Variants in WNT9A observed in about 807,000 individuals in gnomAD.
WNT9A encodes Wnt family member 9A, also known as protein Wnt-9a.
Under a neutral mutation model 31.4 loss-of-function variants are expected in WNT9A, and 8 were observed. The ratio of observed to expected loss-of-function variants is 0.26; its 90% CI spans 0.15 to 0.46. WNT9A has a LOEUF of 0.46. Among genes scored for constraint, WNT9A ranks in the 20% least tolerant of loss-of-function variants. The probability of loss-of-function intolerance (pLI) is 0.99; values close to 1 mark genes in which losing one functional copy is unlikely to be tolerated. For missense variants in WNT9A, 457 were observed against 522.9 expected (o/e 0.87, Z 1.23); for synonymous variants, 236 against 220.1 (o/e 1.07, Z -0.64).
In WNT9A at chr1:227,921,193, C is replaced by T. The variant is rs1666305802; in HGVS notation, c.*325G>A. The T allele has an allele frequency of 2.9e-6, 1 of 339,152 alleles. No homozygotes were observed. The highest frequency in any genetic ancestry group is 5.5e-6 in the Non-Finnish European group (1 of 181,350). The allele number at this position is 339,152 out of a possible 1,614,324, so 21.0% of individuals were successfully genotyped here. The stretch of plus-strand genomic sequence containing the variant: ...AGCCCTTGCAGGTGTACACTCCTCA[C>T]ACCGTGTGCAATGCCTGTGCCATGT... On this transcript the variant is annotated 3_prime_UTR_variant, in exon 4 of 4. Transcript: ENST00000272164.
At position 227,919,370 on chromosome 1, in the gene WNT9A, C is replaced by A. The variant is rs1268198918; in HGVS notation, c.*2148G>T. 2 of 152,236 alleles carry A rather than the reference C, an allele frequency of 1.3e-5. No individual in the cohort carries two copies. Among genetic ancestry groups the A allele is most frequent in the East Asian group, 1.9e-4 (1 of 5,192 alleles). The allele number at this position is 152,236 out of a possible 1,614,324, so 9.4% of individuals were successfully genotyped here. A position where few individuals can be genotyped will look rare whatever the true frequency, so the allele number is the denominator to read the frequency against. Reference sequence around the variant, plus strand: ...TGTGGTACGGGGATGCAGCTGCAGGCACATGTCGGGGTGCTCTCTGAACCA... The same window carrying A: ...TGTGGTACGGGGATGCAGCTGCAGGAACATGTCGGGGTGCTCTCTGAACCA... On this transcript the variant is annotated 3_prime_UTR_variant, in exon 4 of 4. Transcript: ENST00000272164.
At position 227,921,630 on chromosome 1, in the gene WNT9A, T is replaced by A. The variant is rs1318810676; in HGVS notation, c.986A>T (p.Asn329Ile). 6.2e-7 allele frequency: 1 copy of A among 1,613,272 alleles called. No homozygotes were observed. Among genetic ancestry groups the A allele is most frequent in the Non-Finnish European group, 8.5e-7 (1 of 1,179,996 alleles). The change falls in exon 4 of 4, where the codon AAC (asparagine) becomes ATC (isoleucine). Residue 329 changes from asparagine to isoleucine, a missense_variant. Coordinates refer to ENST00000272164, the MANE Select transcript of WNT9A (RefSeq NM_003395.4). ...CCTTGTCACCACCCGGCTCTGTGTG[T>A]TATGGCCGCGGCCACAGCAGATGCT... The part of the protein sequence containing the change: ...CESICCGRGH[N>I]TQSRVVTRPC...
intron 1 of WNT9A, among the ~76,000 whole-genome samples, chr1:227,929,670 T>C (rs1234309351): frequency 6.6e-6 from 1 of 152,228 alleles, no homozygotes; most frequent in Admixed American, 6.5e-5. Flanking sequence ...CTGGTCTCTA[T>C]AAAATATTTA....
intron 1 of WNT9A, among the ~76,000 whole-genome samples, chr1:227,946,997 G>C (rs1244988726): frequency 2.6e-5 from 4 of 152,240 alleles, no homozygotes; most frequent in African/African-American, 4.8e-5. Flanking sequence ...GCGCCACCCT[G>C]CACCTCAGCG....
intron 3 of WNT9A, among the ~76,000 whole-genome samples, chr1:227,923,138 G>A (rs1176641800): frequency 6.6e-6 from 1 of 152,074 alleles, no homozygotes; most frequent in East Asian, 1.9e-4. Flanking sequence ...GCGGAAGGAG[G>A]CACAAGAGAC....
Position 227,925,609 on chromosome 1 carries a change from G to A in WNT9A, c.96-90C>T. The A allele has an allele frequency of 7.0e-7, 1 of 1,426,722 alleles. No homozygotes were observed. Among genetic ancestry groups the A allele is most frequent in the Non-Finnish European group, 9.1e-7 (1 of 1,093,632 alleles). 88.4% of individuals were successfully genotyped at this position (1,426,722 alleles called of 1,614,324 possible). A position where few individuals can be genotyped will look rare whatever the true frequency, so the allele number is the denominator to read the frequency against. ...CTCGGTGGCCAGGGTACAGGGGACA[G>A]GCGTGTCCATCCGGGGGTGAGGGGG... On this transcript the variant is annotated intron_variant, in intron 1 of 3. Transcript: ENST00000272164. This position sits in a 1 kb window ranked among gnomAD's most constrained non-coding sequence, Gnocchi z 6.0.
At chr1:227,932,489 A>G (rs1666529788) in intron 1 of WNT9A, among the ~76,000 whole-genome samples, 1 of 152,020 alleles carries the variant, frequency 6.6e-6, no homozygotes, top group East Asian at 1.9e-4. Flanking sequence ...ACTCCTGTTC[A>G]TGTTGCTGTT....
chr1:227,944,825 C>G (rs1666769440), intron 1 of WNT9A, among the ~76,000 whole-genome samples: 1 of 152,228 alleles, frequency 6.6e-6, no homozygotes, highest in Non-Finnish European at 1.5e-5. Flanking sequence ...GTGATGTAAA[C>G]TGCAAGGGCC....
Position 227,942,403 on chromosome 1 carries a change from C to T in WNT9A, c.95+5390G>A, listed in dbSNP as rs922006201. 5.9e-5 allele frequency among the ~76,000 whole-genome samples: 9 copies of T among 152,126 alleles called. No homozygotes were observed. Among genetic ancestry groups the T allele is most frequent in the African/African-American group, 2.2e-4 (9 of 41,430 alleles). ...CTGCAGGGGCCATCAGGCTGACACT[C>T]CAGACCCTCCCACTTACGGCCCCAC... On this transcript the variant is annotated intron_variant, in intron 1 of 3. Transcript: ENST00000272164. The surrounding 1 kb of genome is among the most constrained non-coding windows in gnomAD (Gnocchi z 5.7).
chr1:227,932,548 T>C (rs926729059), intron 1 of WNT9A, among the ~76,000 whole-genome samples: 2 of 152,208 alleles, frequency 1.3e-5, no homozygotes, highest in African/African-American at 4.8e-5. Context: ...TCTAGAATGG[T>C]GAATCCTTTC....
intron 1 of WNT9A, among the ~76,000 whole-genome samples, chr1:227,936,159 C>G (rs1666591996): frequency 6.6e-6 from 1 of 152,080 alleles, no homozygotes; most frequent in South Asian, 2.1e-4. Context: ...TTTTATGATT[C>G]TGTCTTCAAT....
chr1:227,941,301 T>G (rs1273892629), intron 1 of WNT9A, among the ~76,000 whole-genome samples: 1 of 152,110 alleles, frequency 6.6e-6, no homozygotes, highest in Non-Finnish European at 1.5e-5. Flanking sequence ...GGGACCCTTC[T>G]GGCCAATCCC....
chr1:227,942,376 G>A lies in WNT9A; in HGVS notation c.95+5417C>T, dbSNP rs968855163. On this transcript the variant is annotated intron_variant, in intron 1 of 3. Coordinates refer to ENST00000272164, the MANE Select transcript of WNT9A (RefSeq NM_003395.4). The surrounding 1 kb of genome is among the most constrained non-coding windows in gnomAD (Gnocchi z 5.7). ...AGCAGGAAGGAGGAAGGCCACCAGCGCCTGCAGGGGCCATCAGGCTGACAC... is the reference window on the plus strand; with the variant it reads ...AGCAGGAAGGAGGAAGGCCACCAGCACCTGCAGGGGCCATCAGGCTGACAC... Among the ~76,000 whole-genome samples, 55 of 152,240 alleles carry A rather than the reference G, an allele frequency of 3.6e-4. No homozygotes were observed. Among genetic ancestry groups the A allele is most frequent in the Middle Eastern group, 3.4e-3 (1 of 294 alleles).
intron 3 of WNT9A, among the ~76,000 whole-genome samples, chr1:227,922,227 G>A (rs973386693): frequency 1.3e-5 from 2 of 152,192 alleles, no homozygotes; most frequent in East Asian, 1.9e-4. Context: ...CTCCAGGGCC[G>A]GCACCTCAGC....
intron 1 of WNT9A, among the ~76,000 whole-genome samples, chr1:227,946,972 G>A (rs1179911402): frequency 6.6e-6 from 1 of 152,210 alleles, no homozygotes; most frequent in East Asian, 1.9e-4. Context: ...GAGGCCCGGG[G>A]CGCTGCCTCG....
chr1:227,923,950 CT>C (rs1468543938), intron 3 of WNT9A, among the ~76,000 whole-genome samples, 187 bp downstream of exon 3: 3 of 152,106 alleles, frequency 2.0e-5, no homozygotes, highest in African/African-American at 7.2e-5. Context: ...GGTAGGGAGC[CT>C]TATGGGCACG....
chr1:227,937,841 A>C (rs1358946383), intron 1 of WNT9A, among the ~76,000 whole-genome samples: 1 of 152,230 alleles, frequency 6.6e-6, no homozygotes, highest in African/African-American at 2.4e-5. Context: ...GGACAGCAGC[A>C]CAGATTTTGG....
At chr1:227,935,977 A>G (rs190793380) in intron 1 of WNT9A, among the ~76,000 whole-genome samples, 2 of 152,248 alleles carry the variant, frequency 1.3e-5, no homozygotes, top group Admixed American at 6.5e-5. Context: ...TTGGGGGCCC[A>G]ACAAGACACT....
intron 1 of WNT9A, among the ~76,000 whole-genome samples, chr1:227,947,015 A>G (rs1666805435): frequency 6.6e-6 from 1 of 152,174 alleles, no homozygotes; most frequent in South Asian, 2.1e-4. Flanking sequence ...GCGCGCCCAA[A>G]GCGCAGCGAG....
Sources: allele counts gnomAD v4.1 joint callset (sites outside exome capture counted in the v4.1 genomes callset), GRCh38; gene constraint gnomAD v4.1.1; non-coding constraint Gnocchi (gnomAD v3.1); transcripts MANE v1.5; gene names NCBI Gene and HGNC (gene_info 2026-07-23, HGNC 2026-07-21).